Variants in NPTX1 observed in about 807,000 individuals in gnomAD.
NPTX1 encodes the protein neuronal pentraxin 1.
A neutral mutation model predicts 38.7 loss-of-function variants in NPTX1; 12 were observed. That is an observed-to-expected ratio of 0.31 (90% CI 0.20 to 0.50). NPTX1 has a LOEUF of 0.50. NPTX1 is among the 20% of genes least tolerant of loss of function. NPTX1 has a pLI of 0.98. For missense variants in NPTX1, 454 were observed against 592.2 expected, an observed-to-expected ratio of 0.77 and a Z score of 2.42; for synonymous variants, 272 against 264.9, an observed-to-expected ratio of 1.03 and a Z score of -0.26.
At position 80,473,269 on chromosome 17, in the gene NPTX1, G is replaced by C; in HGVS notation, c.828C>G (p.Pro276=). ...GVGTPFSYAV[P]GQANELVLIE... ...TGAGGACCAGCTCGTTGGCCTGGCC[G>C]GGCACAGCGTAGGAGAAGGGCGTGC... Residue 276 remains proline, a synonymous_variant, in exon 3 of 5, where the codon CCC becomes CCG. Coordinates refer to ENST00000306773, the MANE Select transcript of NPTX1 (RefSeq NM_002522.4). 2 of 1,613,834 alleles carry C rather than the reference G, an allele frequency of 1.2e-6. No individual in the cohort carries two copies. The highest frequency in any genetic ancestry group is 1.6e-4 in the Middle Eastern group (1 of 6,062).
Position 80,469,388 on chromosome 17 carries a change from A to AACACAC in NPTX1, c.*1419_*1424dup, listed in dbSNP as rs148816141. 12 of 150,030 alleles carry AACACAC rather than the reference A, an allele frequency of 8.0e-5. No homozygotes were observed. The highest frequency in any genetic ancestry group is 2.9e-4 in the African/African-American group (12 of 40,956). 9.3% of individuals were successfully genotyped at this position (150,030 alleles called of 1,614,324 possible). On this transcript the variant is annotated 3_prime_UTR_variant, in exon 5 of 5. Transcript: ENST00000306773. ...TCTCACTTAGCGCACACACACACAC[A>AACACAC]ACACACACACACACACACAAATGCA...
At position 80,473,269 on chromosome 17, in the gene NPTX1, G is replaced by A. The variant is rs149582045; in HGVS notation, c.828C>T (p.Pro276=). Residue 276 remains proline (P), a synonymous_variant, in exon 3 of 5, where the codon CCC becomes CCT. Transcript: ENST00000306773. The part of the protein sequence containing the change: ...GVGTPFSYAV[P]GQANELVLIE... ...TGAGGACCAGCTCGTTGGCCTGGCCGGGCACAGCGTAGGAGAAGGGCGTGC... is the reference window on the plus strand; with the variant it reads ...TGAGGACCAGCTCGTTGGCCTGGCCAGGCACAGCGTAGGAGAAGGGCGTGC... 2.3e-5 allele frequency: 37 copies of A among 1,613,716 alleles called. No individual in the cohort carries two copies. Among genetic ancestry groups the A allele is most frequent in the African/African-American group, 1.2e-4 (9 of 74,942 alleles).
rs1429828627 is a variant in NPTX1 at position 80,475,787 on chromosome 17, C to G, written c.445-69G>C. The G allele has an allele frequency of 7.8e-7, 1 of 1,281,286 alleles. No homozygotes were observed. The highest frequency in any genetic ancestry group is 1.5e-5 in the African/African-American group (1 of 68,452). The allele number at this position is 1,281,286 out of a possible 1,614,324, so 79.4% of individuals were successfully genotyped here. A position where few individuals can be genotyped will look rare whatever the true frequency, so the allele number is the denominator to read the frequency against. On this transcript the variant is annotated intron_variant, in intron 1 of 4. Transcript: ENST00000306773. This position sits in a 1 kb window ranked among gnomAD's most constrained non-coding sequence, Gnocchi z 6.5. Reference sequence around the variant, plus strand: ...CGCGGGGACCGTGCTGGAAGGCCCGCGGCGCGGTCCCCTCTGGGCGACTGC... The same window carrying G: ...CGCGGGGACCGTGCTGGAAGGCCCGGGGCGCGGTCCCCTCTGGGCGACTGC...
Position 80,475,785 on chromosome 17 carries a change from C to A in NPTX1, c.445-67G>T. 1 of 1,302,148 alleles carries A rather than the reference C, an allele frequency of 7.7e-7. No homozygotes were observed. The highest frequency in any genetic ancestry group is 1.1e-6 in the Non-Finnish European group (1 of 926,574). The allele number at this position is 1,302,148 out of a possible 1,614,324, so 80.7% of individuals were successfully genotyped here. A position where few individuals can be genotyped will look rare whatever the true frequency, so the allele number is the denominator to read the frequency against. ...GGCGCGGGGACCGTGCTGGAAGGCC[C>A]GCGGCGCGGTCCCCTCTGGGCGACT... is the stretch of plus-strand genomic sequence containing the variant. On this transcript the variant is annotated intron_variant, in intron 1 of 4. Transcript: ENST00000306773. The surrounding 1 kb of genome is among the most constrained non-coding windows in gnomAD (Gnocchi z 6.5).
At chr17:80,471,393 C>T (rs11150859) in intron 4 of NPTX1, among the ~76,000 whole-genome samples, 61,494 of 151,860 alleles carry the variant, frequency 0.4, 13,576 homozygotes, top group Admixed American at 0.54. Flanking sequence ...CAGGGACAGA[C>T]GTCCCCGATT....
Position 80,476,495 on chromosome 17 carries a change from C to T in NPTX1, c.-49G>A, listed in dbSNP as rs2083884221. The T allele has an allele frequency of 1.8e-6, 2 of 1,081,892 alleles. No individual in the cohort carries two copies. The highest frequency in any genetic ancestry group is 2.3e-6 in the Non-Finnish European group (2 of 883,614). 67.0% of individuals were successfully genotyped at this position (1,081,892 alleles called of 1,614,324 possible). On this transcript the variant is annotated 5_prime_UTR_variant, in exon 1 of 5. Coordinates refer to ENST00000306773, the MANE Select transcript of NPTX1 (RefSeq NM_002522.4). This position sits in a 1 kb window ranked among gnomAD's most constrained non-coding sequence, Gnocchi z 6.3. The stretch of plus-strand genomic sequence containing the variant: ...GGCCCGGCTCGGCTCGGCTGGGGCT[C>T]GGCTCCGGCTGGGACCCGGCTCGGG...
intron 3 of NPTX1, 21 bp from the exon 4 acceptor site, chr17:80,471,932 C>G: frequency 5.0e-6 from 8 of 1,599,206 alleles, no homozygotes; most frequent in Non-Finnish European, 6.0e-6. Context: ...GAATGACAGA[C>G]GCCAGCTGGT....
Position 80,476,156 on chromosome 17 carries a change from G to C in NPTX1, c.291C>G (p.Pro97=), listed in dbSNP as rs768304447. 1 of 1,592,154 alleles carries C rather than the reference G, an allele frequency of 6.3e-7. No homozygotes were observed. Among genetic ancestry groups the C allele is most frequent in the Non-Finnish European group, 8.5e-7 (1 of 1,174,526 alleles). ...GRCESQSTLD[P]GAGEARAGGG... is the part of the protein sequence containing the mutation. Reference sequence around the variant, plus strand: ...CGCCCGCCCGGGCCTCGCCGGCTCCGGGGTCCAGCGTGCTCTGGCTCTCGC... The same window carrying C: ...CGCCCGCCCGGGCCTCGCCGGCTCCCGGGTCCAGCGTGCTCTGGCTCTCGC... The change falls in exon 1 of 5, where the codon CCC becomes CCG. Residue 97 remains proline (P), a synonymous_variant. Transcript: ENST00000306773. The surrounding 1 kb of genome is among the most constrained non-coding windows in gnomAD (Gnocchi z 6.3).
Position 80,476,413 on chromosome 17 carries a change from G to A in NPTX1, c.34C>T (p.Leu12=). The change falls in exon 1 of 5, where the codon CTG becomes TTG. Residue 12 remains leucine (L), a synonymous_variant. Coordinates refer to ENST00000306773, the MANE Select transcript of NPTX1 (RefSeq NM_002522.4). This position sits in a 1 kb window ranked among gnomAD's most constrained non-coding sequence, Gnocchi z 6.3. The stretch of plus-strand genomic sequence containing the variant: ...GCGCCCAGGAGGCAGAGGGCGAGCA[G>A]CGCACAGGTGCGCGCGGCGCGGCCG... The part of the protein sequence containing the change: ...PAGRAARTCA[L]LALCLLGAGA... The A allele has an allele frequency of 7.1e-7, 1 of 1,417,896 alleles. No individual in the cohort carries two copies. Among genetic ancestry groups the A allele is most frequent in the Non-Finnish European group, 9.1e-7 (1 of 1,096,340 alleles). The allele number at this position is 1,417,896 out of a possible 1,614,324, so 87.8% of individuals were successfully genotyped here.
chr17:80,471,572 C>T (rs1373340402), intron 4 of NPTX1, among the ~76,000 whole-genome samples, 160 bp downstream of exon 4: 1 of 152,232 alleles, frequency 6.6e-6, no homozygotes, highest in Non-Finnish European at 1.5e-5. Context: ...AGTTCAAGTG[C>T]ATGTCCACCC....
In NPTX1 at chr17:80,475,593, G is replaced by A. The variant is rs539012623; in HGVS notation, c.570C>T (p.Gly190=). Reference sequence around the variant, plus strand: ...CCCTCTCCTCGGTGTCGTTCCTGGGGCCCCCCTTGCCCTCCTCCAGGGTGT... The same window carrying A: ...CCCTCTCCTCGGTGTCGTTCCTGGGACCCCCCTTGCCCTCCTCCAGGGTGT... The part of the protein sequence containing the change: ...RVNTLEEGKG[G]PRNDTEERVK... Residue 190 remains glycine, a synonymous_variant, in exon 2 of 5, where the codon GGC becomes GGT. Transcript: ENST00000306773. This position sits in a 1 kb window ranked among gnomAD's most constrained non-coding sequence, Gnocchi z 6.5. 6.2e-7 allele frequency: 1 copy of A among 1,612,584 alleles called. No homozygotes were observed. The highest frequency in any genetic ancestry group is 8.5e-7 in the Non-Finnish European group (1 of 1,179,760).
chr17:80,473,746 T>C, intron 2 of NPTX1: 3 of 409,430 alleles, frequency 7.3e-6, no homozygotes, highest in Non-Finnish European at 1.4e-5. Context: ...GCATCAACAC[T>C]GGGCTGCGTG....
rs565645353 is a variant in NPTX1 at position 80,469,827 on chromosome 17, G to A, written c.*986C>T. On this transcript the variant is annotated 3_prime_UTR_variant, in exon 5 of 5. Transcript: ENST00000306773. ...AAGGTCCCCTCTGGTCTGCACTGCC[G>A]GAGGCCAAAGGAGAGGGGTGCTGGG... 1.3e-4 allele frequency: 20 copies of A among 152,482 alleles called. No individual in the cohort carries two copies. Among genetic ancestry groups the A allele is most frequent in the East Asian group, 3.9e-4 (2 of 5,194 alleles). 9.4% of individuals were successfully genotyped at this position (152,482 alleles called of 1,614,324 possible). A position where few individuals can be genotyped will look rare whatever the true frequency, so the allele number is the denominator to read the frequency against.
Position 80,467,071 on chromosome 17 carries a change from C to G in NPTX1, c.*3742G>C, listed in dbSNP as rs1269138193. On this transcript the variant is annotated 3_prime_UTR_variant, in exon 5 of 5. Coordinates refer to ENST00000306773, the MANE Select transcript of NPTX1 (RefSeq NM_002522.4). The stretch of plus-strand genomic sequence containing the variant: ...AATGAAAAAGTGAGATACATCGATT[C>G]TCTTTCATATTATACAGTATATACA... The G allele has an allele frequency of 6.8e-6, 1 of 147,148 alleles. No homozygotes were observed. Among genetic ancestry groups the G allele is most frequent in the African/African-American group, 2.5e-5 (1 of 39,656 alleles). The allele number at this position is 147,148 out of a possible 1,614,324, so 9.1% of individuals were successfully genotyped here.
In NPTX1 at chr17:80,476,427, G is replaced by A. The variant is rs1303911483; in HGVS notation, c.20C>T (p.Ala7Val). 2.9e-6 allele frequency: 4 copies of A among 1,359,460 alleles called. No homozygotes were observed. The highest frequency in any genetic ancestry group is 6.3e-5 in the East Asian group (2 of 31,966). 84.2% of individuals were successfully genotyped at this position (1,359,460 alleles called of 1,614,324 possible). Residue 7 changes from alanine to valine, a missense_variant, in exon 1 of 5, where the codon GCG becomes GTG. This residue lies in a region of NPTX1 where 288 missense variants were observed against 318.4 expected (regional missense o/e 0.90). Coordinates refer to ENST00000306773, the MANE Select transcript of NPTX1 (RefSeq NM_002522.4). This position sits in a 1 kb window ranked among gnomAD's most constrained non-coding sequence, Gnocchi z 6.3. ...GAGGGCGAGCAGCGCACAGGTGCGC[G>A]CGGCGCGGCCGGCCGGCATGGCTGC... MPAGRA[A>V]RTCALLALCL...
At position 80,475,673 on chromosome 17, in the gene NPTX1, C is replaced by T; in HGVS notation, c.490G>A (p.Asp164Asn). Reference protein sequence around the residue: ...NSSSQTNSLKDLLQSKIDELE... With the variant: ...NSSSQTNSLKNLLQSKIDELE... ...TCATCGATCTTGCTCTGCAGCAGATCCTTGAGGCTGTTGGTCTGGCTGGAG... is the reference window on the plus strand; with the variant it reads ...TCATCGATCTTGCTCTGCAGCAGATTCTTGAGGCTGTTGGTCTGGCTGGAG... Residue 164 changes from aspartate (D) to asparagine (N), a missense_variant, in exon 2 of 5, where the codon GAT (aspartate) becomes AAT (asparagine). By Grantham distance (23) the Asp-to-Asn change is conservative (BLOSUM62 1). Around this residue, in one of 4 missense-constraint regions of NPTX1, gnomAD observed 288 missense variants for 318.4 expected, o/e 0.90. Transcript: ENST00000306773. The surrounding 1 kb of genome is among the most constrained non-coding windows in gnomAD (Gnocchi z 6.5). 1 of 1,613,202 alleles carries T rather than the reference C, an allele frequency of 6.2e-7. No homozygotes were observed. Among genetic ancestry groups the T allele is most frequent in the South Asian group, 1.1e-5 (1 of 91,084 alleles).
At chr17:80,472,142 G>A (rs1015074478) in intron 3 of NPTX1, among the ~76,000 whole-genome samples, 11 of 152,206 alleles carry the variant, frequency 7.2e-5, no homozygotes, top group Non-Finnish European at 1.6e-4. Context: ...GAACCCCCAA[G>A]GGCCATGTGG....
At chr17:80,474,807 C>CCG (rs1555705261) in intron 2 of NPTX1, 4 of 144,436 alleles carry the variant, frequency 2.8e-5, no homozygotes, top group South Asian at 5.0e-4. Context: ...GGCACCCCCC[C>CCG]CCCTCCCCTT....
In NPTX1 at chr17:80,470,836, C is replaced by G; in HGVS notation, c.1276G>C (p.Glu426Gln). 1 of 1,600,040 alleles carries G rather than the reference C, an allele frequency of 6.2e-7. No homozygotes were observed. The highest frequency in any genetic ancestry group is 1.1e-5 in the South Asian group (1 of 90,536). The stretch of plus-strand genomic sequence containing the variant: ...GCTCAGTTGATCTGGCGACAGGCCT[C>G]GAAGGTCCACTTGGTGGCCCCTCCG... Reference protein sequence around the residue: ...IYGGATKWTFEACRQIN With the variant: ...IYGGATKWTFQACRQIN Residue 426 changes from glutamate to glutamine, a missense_variant, in exon 5 of 5, where the codon GAG becomes CAG. Transcript: ENST00000306773.
Sources: allele counts gnomAD v4.1 joint callset (sites outside exome capture counted in the v4.1 genomes callset), GRCh38; gene constraint gnomAD v4.1.1; regional missense constraint gnomAD v4.1.1; non-coding constraint Gnocchi (gnomAD v3.1); transcripts MANE v1.5; gene names NCBI Gene and HGNC (gene_info 2026-07-23, HGNC 2026-07-21).